Variants in DHRS3 observed in about 807,000 individuals in gnomAD.
The protein encoded by DHRS3 is short-chain dehydrogenase/reductase 3.
In DHRS3, 14 loss-of-function variants were observed where a neutral mutation model predicts 27.2. That is an observed-to-expected ratio of 0.52 (90% CI 0.34 to 0.81). The LOEUF (loss-of-function observed/expected upper bound fraction) is 0.81, where lower values mean the gene tolerates loss of function less well. DHRS3 is among the 30% of genes least tolerant of loss of function. DHRS3 has a pLI of 0.01. For missense variants in DHRS3, 322 were observed against 406.2 expected, an observed-to-expected ratio of 0.79 and a Z score of 1.78; for synonymous variants, 165 against 175.9, an observed-to-expected ratio of 0.94 and a Z score of 0.49.
In DHRS3 at chr1:12,617,521, A is replaced by C; in HGVS notation, c.-173T>G. The C allele has an allele frequency of 5.1e-4, 89 of 173,038 alleles. No homozygotes were observed. The highest frequency in any genetic ancestry group is 1.1e-3 in the East Asian group (12 of 10,622). The allele number at this position is 173,038 out of a possible 1,614,324, so 10.7% of individuals were successfully genotyped here. A position where few individuals can be genotyped will look rare whatever the true frequency, so the allele number is the denominator to read the frequency against. ...ATGCAAAGCACCGGGTGAGAAAAAG[A>C]AAAAAAAAAAAAAAAAAAAGATAAA... On this transcript the variant is annotated 5_prime_UTR_variant, in exon 1 of 6. Coordinates refer to ENST00000616661, the MANE Select transcript of DHRS3 (RefSeq NM_004753.7).
intron 5 of DHRS3, among the ~76,000 whole-genome samples, chr1:12,570,853 C>T (rs1006966754): frequency 2.0e-5 from 3 of 152,202 alleles, no homozygotes; most frequent in Admixed American, 6.5e-5. Flanking sequence ...CCTGGGTGCC[C>T]CCTTCCCTGT....
At chr1:12,585,003 C>T (rs1289624037) in intron 1 of DHRS3, among the ~76,000 whole-genome samples, 1 of 144,326 alleles carries the variant, frequency 6.9e-6, no homozygotes, top group South Asian at 2.2e-4. Flanking sequence ...GGGTGTGTGT[C>T]TGTGTGCATC....
chr1:12,577,579 C>A (rs1044566631), intron 4 of DHRS3, among the ~76,000 whole-genome samples: 3 of 152,156 alleles, frequency 2.0e-5, no homozygotes, highest in Admixed American at 2.0e-4. Flanking sequence ...CATCCCTGCA[C>A]TTTGGGAGGC....
chr1:12,595,705 T>C (rs1478793587), intron 1 of DHRS3, among the ~76,000 whole-genome samples: 1 of 142,518 alleles, frequency 7.0e-6, no homozygotes, highest in African/African-American at 2.7e-5. Context: ...CGAGGTGCGG[T>C]CAGGGTGCAG....
intron 2 of DHRS3, 147 bp downstream of exon 2, chr1:12,580,376 C>G: frequency 4.8e-6 from 5 of 1,045,026 alleles, no homozygotes; most frequent in Non-Finnish European, 7.2e-6. Context: ...CTGGGGCCAG[C>G]TTCATGGGAG....
chr1:12,579,062 G>C, intron 3 of DHRS3, 106 bp from the exon 4 acceptor site: 1 of 1,264,932 alleles, frequency 7.9e-7, no homozygotes, highest in Non-Finnish European at 1.1e-6. Flanking sequence ...ATGCTCTAGG[G>C]CCCGAGCCTT....
intron 5 of DHRS3, among the ~76,000 whole-genome samples, chr1:12,570,242 C>A (rs1165644515): frequency 1.3e-5 from 2 of 152,198 alleles, no homozygotes; most frequent in East Asian, 3.9e-4. Context: ...TCAGGCTTCT[C>A]CTCGTACAAC....
intron 1 of DHRS3, among the ~76,000 whole-genome samples, chr1:12,603,789 A>G (rs1209480923): frequency 6.6e-6 from 1 of 152,226 alleles, no homozygotes; most frequent in Non-Finnish European, 1.5e-5. Context: ...GGGATGGCCA[A>G]TGAGGTAAGA....
chr1:12,607,055 T>C (rs1023588135), intron 1 of DHRS3, among the ~76,000 whole-genome samples: 2 of 152,176 alleles, frequency 1.3e-5, no homozygotes, highest in African/African-American at 4.8e-5. Context: ...TAATATCTGC[T>C]TATAATGAGA....
In DHRS3 at chr1:12,617,356, G is replaced by C. The variant is rs201421000; in HGVS notation, c.-8C>G. 15 of 1,595,252 alleles carry C rather than the reference G, an allele frequency of 9.4e-6. 1 individual carries two copies. In the Admixed American group the frequency reaches 2.2e-4, roughly 23 times the overall value. The stretch of plus-strand genomic sequence containing the variant: ...CAGCCGTTTCCACACCATCCTCCGC[G>C]CCGCGGAGCCGGGCAGGGGGCGAAA... On this transcript the variant is annotated 5_prime_UTR_variant, in exon 1 of 6. Coordinates refer to ENST00000616661, the MANE Select transcript of DHRS3 (RefSeq NM_004753.7).
intron 5 of DHRS3, among the ~76,000 whole-genome samples, chr1:12,571,317 A>C (rs1646534499): frequency 6.6e-6 from 1 of 152,170 alleles, no homozygotes; most frequent in South Asian, 2.1e-4. Flanking sequence ...GCCTCCCCAA[A>C]GTGGTCTGCC....
At chr1:12,585,657 CT>C in intron 1 of DHRS3, among the ~76,000 whole-genome samples, 1 of 152,336 alleles carries the variant, frequency 6.6e-6, no homozygotes, top group Admixed American at 6.5e-5. Context: ...TACCCTGACC[CT>C]TCTGGGGAAT....
chr1:12,614,136 A>G lies in DHRS3; in HGVS notation c.195+3018T>C, dbSNP rs76112722. On this transcript the variant is annotated intron_variant, in intron 1 of 5. Transcript: ENST00000616661. ...GTTGCCCCACCTCCCAAGGTTTGCA[A>G]TCATGGCCCAAGACTTTCGTCCAGC... is the stretch of plus-strand genomic sequence containing the variant. 7.6e-3 allele frequency among the ~76,000 whole-genome samples: 1,155 copies of G among 152,238 alleles called. 34 individuals carry two copies. The highest frequency in any genetic ancestry group is 0.047 in the Admixed American group (718 of 15,290).
At chr1:12,611,938 T>TAAATAAATAAATAAATAAAC in intron 1 of DHRS3, among the ~76,000 whole-genome samples, 1 of 151,254 alleles carries the variant, frequency 6.6e-6, no homozygotes, top group African/African-American at 2.4e-5. Context: ...ATTTTTAAAA[T>TAAATAAATAAATAAATAAAC]AAATAAATAA....
intron 5 of DHRS3, among the ~76,000 whole-genome samples, chr1:12,571,457 A>G (rs542553307): frequency 4.6e-5 from 7 of 151,710 alleles, no homozygotes; most frequent in East Asian, 1.9e-4. Context: ...GCTGTAGAAC[A>G]GTGGTTCTCA....
intron 5 of DHRS3, among the ~76,000 whole-genome samples, chr1:12,571,526 AT>A (rs371364169): frequency 0.011 from 1,336 of 126,726 alleles, 9 homozygotes; most frequent in African/African-American, 0.03. Flanking sequence ...TGTGAGGTCA[AT>A]TTTTTTTTTT....
chr1:12,572,645 A>G (rs977288574), intron 5 of DHRS3, 83 bp downstream of exon 5: 1 of 1,537,526 alleles, frequency 6.5e-7, no homozygotes, highest in East Asian at 2.5e-5. Context: ...AGCACTCCTC[A>G]TGCTCATGCC....
intron 1 of DHRS3, among the ~76,000 whole-genome samples, chr1:12,614,175 C>T (rs1193313007): frequency 6.6e-6 from 1 of 152,118 alleles, no homozygotes; most frequent in East Asian, 1.9e-4. Context: ...TTGCTGGATA[C>T]CAGACCAAAG....
intron 2 of DHRS3, 80 bp from the exon 3 acceptor site, chr1:12,579,492 T>C (rs1280447133): frequency 3.2e-6 from 5 of 1,548,086 alleles, no homozygotes; most frequent in Non-Finnish European, 4.4e-6. Context: ...TTGTTTGTTT[T>C]TGAGATGGAG....
Sources: allele counts gnomAD v4.1 joint callset (sites outside exome capture counted in the v4.1 genomes callset), GRCh38; gene constraint gnomAD v4.1.1; transcripts MANE v1.5; gene names NCBI Gene and HGNC (gene_info 2026-07-23, HGNC 2026-07-21).